Variants in MTCL1 observed in about 807,000 individuals in gnomAD.
The protein encoded by MTCL1 is microtubule cross-linking factor 1.
In MTCL1, 79 loss-of-function variants were observed where a neutral mutation model predicts 141.4. The ratio of observed to expected loss-of-function variants is 0.56; its 90% confidence interval spans 0.47 to 0.67. MTCL1 has a LOEUF of 0.67. Ranked by LOEUF, MTCL1 falls within the 30% of genes least tolerant of loss-of-function variation. The pLI is 0.00. For missense variants in MTCL1, 2,177 were observed against 2,113.9 expected (o/e 1.03, Z -0.59); for synonymous variants, 914 against 875.8 (o/e 1.04, Z -0.77).
chr18:8,764,007 A>G (rs1181295141), intron 4 of MTCL1, among the ~76,000 whole-genome samples: 2 of 152,182 alleles, frequency 1.3e-5, no homozygotes, highest in Non-Finnish European at 2.9e-5. Context: ...TCTGTTCTAT[A>G]TATAGAATAT....
intron 4 of MTCL1, among the ~76,000 whole-genome samples, chr18:8,774,973 AG>A (rs1162851343): frequency 6.6e-6 from 1 of 152,166 alleles, no homozygotes; most frequent in African/African-American, 2.4e-5. Flanking sequence ...CACATGGGGT[AG>A]GGGTGGCTAG....
chr18:8,745,933 T>C (rs1218592790), intron 4 of MTCL1, among the ~76,000 whole-genome samples: 1 of 152,228 alleles, frequency 6.6e-6, no homozygotes, highest in Non-Finnish European at 1.5e-5. Flanking sequence ...CATTCTATTT[T>C]CTACCTCTAT....
Position 8,719,203 on chromosome 18 carries a change from C to T in MTCL1, c.198+555C>T, listed in dbSNP as rs1430847499. Among the ~76,000 whole-genome samples, 3 of 152,262 alleles carry T rather than the reference C, an allele frequency of 2.0e-5. No individual in the cohort carries two copies. In the East Asian group the frequency reaches 5.8e-4, roughly 29 times the overall value. On this transcript the variant is annotated intron_variant, in intron 3 of 16. Coordinates refer to ENST00000359865, the Ensembl canonical transcript of MTCL1. ...TGGGAAGAAACCCCAGACTTTAAGC[C>T]ATTTTCTCTCCGTGGGCAGCGAGGC...
chr18:8,768,027 A>G (rs1009196301), intron 4 of MTCL1, among the ~76,000 whole-genome samples: 1 of 152,198 alleles, frequency 6.6e-6, no homozygotes, highest in Non-Finnish European at 1.5e-5. Flanking sequence ...ATGGCTACAC[A>G]ATATTATATT....
chr18:8,714,349 C>T (rs569721134), upstream of MTCL1, among the ~76,000 whole-genome samples: 1 of 152,108 alleles, frequency 6.6e-6, no homozygotes, highest in Non-Finnish European at 1.5e-5. Context: ...GCTTAATAAA[C>T]GACGCCTGTT....
chr18:8,731,344 C>T (rs1300228639), intron 4 of MTCL1, among the ~76,000 whole-genome samples: 1 of 151,994 alleles, frequency 6.6e-6, no homozygotes, highest in African/African-American at 2.4e-5. Context: ...GAGGCCGAGG[C>T]GGGCAGATCA....
At chr18:8,716,587 T>C (rs1300748770), upstream of MTCL1, among the ~76,000 whole-genome samples, 1 of 150,864 alleles carries the variant, frequency 6.6e-6, no homozygotes, top group Non-Finnish European at 1.5e-5. Flanking sequence ...TTTTTTTTTT[T>C]TTTGTCTGAG....
exon 15 of MTCL1, chr18:8,825,474 G>C (rs778497509): frequency 5.0e-6 from 8 of 1,608,376 alleles, no homozygotes; most frequent in Non-Finnish European, 8.5e-7. Context: ...GACCCAGACT[G>C]TTCAGACCAT....
At chr18:8,726,868 G>A (rs2096218812) in intron 4 of MTCL1, among the ~76,000 whole-genome samples, 1 of 152,138 alleles carries the variant, frequency 6.6e-6, no homozygotes, top group African/African-American at 2.4e-5. Flanking sequence ...ATAATAGTGA[G>A]GTTTGGGCTT....
At chr18:8,796,535 C>T in intron 9 of MTCL1, 73 bp downstream of exon 8, 1 of 1,373,736 alleles carries the variant, frequency 7.3e-7, no homozygotes, top group African/African-American at 1.4e-5. Context: ...TTCTCCTCAC[C>T]CACCCTACAC....
chr18:8,706,727 C>G lies in MTCL1; in HGVS notation c.1053+14C>G. On this transcript the variant is annotated intron_variant, in intron 1 of 13. Coordinates refer to the MTCL1 transcript ENST00000306329. ...GACTATCTCAAGGTGAGCCGCGCCT[C>G]GGCCGCAGGTGTCCCGGGGCGCCCC... The G allele has an allele frequency of 6.5e-7, 1 of 1,544,282 alleles. No individual in the cohort carries two copies. The highest frequency in any genetic ancestry group is 1.4e-5 in the African/African-American group (1 of 73,020).
At position 8,829,140 on chromosome 18, in the gene MTCL1, C is replaced by T. The variant is rs1463542550; in HGVS notation, c.*18+176C>T. On this transcript the variant is annotated intron_variant, in intron 16 of 16. Transcript: ENST00000359865. ...GAACAGATTGATAAGGCCAGAGACTCATCTGCTCTGCTAGAGGGTTGACCA... is the reference window on the plus strand; with the variant it reads ...GAACAGATTGATAAGGCCAGAGACTTATCTGCTCTGCTAGAGGGTTGACCA... 5 of 985,368 alleles carry T rather than the reference C, an allele frequency of 5.1e-6. No individual in the cohort carries two copies. In the African/African-American group the frequency reaches 5.2e-5, roughly 10 times the overall value. 61.0% of individuals were successfully genotyped at this position (985,368 alleles called of 1,614,324 possible).
At chr18:8,772,123 T>C (rs2143071999) in intron 4 of MTCL1, among the ~76,000 whole-genome samples, 1 of 152,370 alleles carries the variant, frequency 6.6e-6, no homozygotes, top group East Asian at 1.9e-4. Flanking sequence ...ACAGTGATTG[T>C]TCCTCATGAC....
At chr18:8,746,232 G>A (rs1014064362) in intron 4 of MTCL1, among the ~76,000 whole-genome samples, 18 of 152,194 alleles carry the variant, frequency 1.2e-4, no homozygotes, top group African/African-American at 3.9e-4. Flanking sequence ...CTCACCCTCA[G>A]TTCTTTTGGG....
chr18:8,791,072 G>A (rs183594333), intron 7 of MTCL1, among the ~76,000 whole-genome samples: 3 of 152,348 alleles, frequency 2.0e-5, no homozygotes, highest in African/African-American at 7.2e-5. Flanking sequence ...CCTTGGGTGG[G>A]TGGATTAGGG....
chr18:8,818,087 A>G (rs1383743696), intron 12 of MTCL1, among the ~76,000 whole-genome samples: 5 of 152,228 alleles, frequency 3.3e-5, no homozygotes, highest in Non-Finnish European at 7.3e-5. Flanking sequence ...AACAGCCCAG[A>G]AAGGCATAAT....
intron 12 of MTCL1, among the ~76,000 whole-genome samples, chr18:8,816,890 C>T (rs978963807): frequency 6.6e-6 from 1 of 152,190 alleles, no homozygotes; most frequent in Non-Finnish European, 1.5e-5. Flanking sequence ...CTATAGGAAA[C>T]CCTCCCTCTC....
intron 4 of MTCL1, among the ~76,000 whole-genome samples, chr18:8,767,446 C>T (rs906311691): frequency 6.6e-5 from 10 of 152,176 alleles, no homozygotes; most frequent in Admixed American, 2.0e-4. Flanking sequence ...GATAGGAAGC[C>T]TTAAGCCTGG....
chr18:8,731,583 A>G (rs1211788020), intron 4 of MTCL1, among the ~76,000 whole-genome samples: 2 of 152,238 alleles, frequency 1.3e-5, no homozygotes, highest in East Asian at 3.8e-4. Flanking sequence ...TCAAGAAAAA[A>G]AATAATAATT....
Sources: allele counts gnomAD v4.1 joint callset (sites outside exome capture counted in the v4.1 genomes callset), GRCh38; gene constraint gnomAD v4.1.1; transcripts MANE v1.5; gene names NCBI Gene and HGNC (gene_info 2026-07-23, HGNC 2026-07-21).